Variants in RFTN2 observed in about 807,000 individuals in gnomAD.
RFTN2 encodes the protein raftlin family member 2.
RFTN2 carries 34 observed loss-of-function variants against 52.7 expected under a neutral mutation model. The ratio of observed to expected loss-of-function variants is 0.64; its 90% confidence interval spans 0.49 to 0.86. The LOEUF (loss-of-function observed/expected upper bound fraction) is 0.86. Among genes scored for constraint, RFTN2 ranks in the 40% least tolerant of loss-of-function variants. The pLI is 0.00. For missense variants in RFTN2, 536 were observed against 600.1 expected (o/e 0.89, Z 1.12); for synonymous variants, 203 against 217.7 (o/e 0.93, Z 0.59).
chr2:197,650,353 A>G (rs1424496027), intron 1 of RFTN2, among the ~76,000 whole-genome samples: 1 of 152,210 alleles, frequency 6.6e-6, no homozygotes, highest in Non-Finnish European at 1.5e-5. Flanking sequence ...GATACCTCAT[A>G]TAAGAGGAAT....
chr2:197,630,930 T>C lies in RFTN2; in HGVS notation c.928+81A>G. On this transcript the variant is annotated intron_variant, in intron 5 of 8. Transcript: ENST00000295049. ...GTATCTGTCCTTTCAGCCATAGAACTTGAGAGGTAAAAACATTTTCACTGA... is the reference window on the plus strand; with the variant it reads ...GTATCTGTCCTTTCAGCCATAGAACCTGAGAGGTAAAAACATTTTCACTGA... 3 of 905,710 alleles carry C rather than the reference T, an allele frequency of 3.3e-6. No individual in the cohort carries two copies. The South Asian group carries it at 4.2e-5, about 13-fold the overall frequency. 56.1% of individuals were successfully genotyped at this position (905,710 alleles called of 1,614,324 possible).
At chr2:197,642,076 G>A (rs1210559421) in intron 3 of RFTN2, among the ~76,000 whole-genome samples, 1 of 152,130 alleles carries the variant, frequency 6.6e-6, no homozygotes, top group Non-Finnish European at 1.5e-5. Flanking sequence ...TAAACAATAT[G>A]CGTAGTTTGT....
intron 5 of RFTN2, among the ~76,000 whole-genome samples, chr2:197,629,434 G>A (rs2088424125): frequency 6.6e-6 from 1 of 152,016 alleles, no homozygotes; most frequent in Non-Finnish European, 1.5e-5. Flanking sequence ...ATCACATACT[G>A]GGGCCTGTCA....
chr2:197,588,176 A>T (rs2087631695), intron 8 of RFTN2, among the ~76,000 whole-genome samples: 1 of 152,234 alleles, frequency 6.6e-6, no homozygotes, highest in Non-Finnish European at 1.5e-5. Context: ...TCCCAGAAAT[A>T]CAACTGTTAA....
chr2:197,588,097 TA>T, intron 8 of RFTN2: 1 of 454,244 alleles, frequency 2.2e-6, no homozygotes, highest in Non-Finnish European at 4.5e-6. Flanking sequence ...ATCATAAAAA[TA>T]ACACACATTT....
chr2:197,633,248 T>G (rs982294631), intron 4 of RFTN2, among the ~76,000 whole-genome samples: 2 of 152,244 alleles, frequency 1.3e-5, no homozygotes, highest in African/African-American at 4.8e-5. Flanking sequence ...TGTTTCATTA[T>G]GATGTGCCAG....
chr2:197,585,671 C>G (rs1031849341), intron 8 of RFTN2, among the ~76,000 whole-genome samples: 1 of 152,158 alleles, frequency 6.6e-6, no homozygotes, highest in African/African-American at 2.4e-5. Flanking sequence ...CCCTTTCTTC[C>G]TGTGCTTACA....
At chr2:197,606,672 T>C (rs2087966614) in intron 7 of RFTN2, among the ~76,000 whole-genome samples, 4 of 149,984 alleles carry the variant, frequency 2.7e-5, no homozygotes, top group African/African-American at 7.4e-5. Context: ...GGGCGAAGGA[T>C]ATGAACAGAC....
At chr2:197,671,339 A>G (rs2089144563) in intron 1 of RFTN2, among the ~76,000 whole-genome samples, 1 of 151,894 alleles carries the variant, frequency 6.6e-6, no homozygotes, top group African/African-American at 2.4e-5. Context: ...TAAAGTCCTA[A>G]CTCTAGTTCC....
chr2:197,630,489 C>G (rs1326818708), intron 5 of RFTN2, among the ~76,000 whole-genome samples: 1 of 151,934 alleles, frequency 6.6e-6, no homozygotes, highest in African/African-American at 2.4e-5. Context: ...TCCACTGTAA[C>G]TAAATGAGGA....
intron 1 of RFTN2, among the ~76,000 whole-genome samples, chr2:197,659,477 TAAAA>T (rs55804577): frequency 8.4e-5 from 8 of 94,702 alleles, no homozygotes; most frequent in Admixed American, 1.2e-4. Flanking sequence ...CTCCATCTCA[TAAAA>T]AAAAAAAAAA....
intron 5 of RFTN2, among the ~76,000 whole-genome samples, chr2:197,628,554 T>C (rs1178674840): frequency 1.3e-5 from 2 of 152,168 alleles, no homozygotes; most frequent in African/African-American, 2.4e-5. Flanking sequence ...GTTCAGCAGT[T>C]AGTCACACAC....
At chr2:197,650,976 A>G (rs2088817898) in intron 1 of RFTN2, among the ~76,000 whole-genome samples, 1 of 152,230 alleles carries the variant, frequency 6.6e-6, no homozygotes, top group African/African-American at 2.4e-5. Context: ...TAGCTATTCT[A>G]ACAGGTATAA....
chr2:197,624,621 A>T (rs1446439248), intron 5 of RFTN2, among the ~76,000 whole-genome samples: 2 of 129,950 alleles, frequency 1.5e-5, no homozygotes, highest in Non-Finnish European at 3.4e-5. Context: ...AAAAAAAAAA[A>T]GAAAGAGCCA....
At chr2:197,588,125 C>T (rs1423092990) in intron 8 of RFTN2, 2 of 408,622 alleles carry the variant, frequency 4.9e-6, no homozygotes, top group Non-Finnish European at 1.0e-5. Flanking sequence ...GAAAATGTGA[C>T]AAAAACAAAG....
At chr2:197,638,567 C>A (rs1424402700) in intron 3 of RFTN2, among the ~76,000 whole-genome samples, 1 of 109,786 alleles carries the variant, frequency 9.1e-6, no homozygotes, top group South Asian at 3.1e-4. Context: ...GCAACCCTTG[C>A]CTTTTTTTGT....
rs2087983918 is a variant in RFTN2, at chr2:197,607,596, CATTA to C, written c.1154+8276_1154+8279del. ...ATGTTAACTTTTGCTTCATCTTACA[CATTA>C]ATTAATTGTCGTGGCTTAACATTTG... On this transcript the variant is annotated intron_variant, in intron 7 of 8. Coordinates refer to ENST00000295049, the MANE Select transcript of RFTN2 (RefSeq NM_144629.3). Among the ~76,000 whole-genome samples, 4 of 152,104 alleles carry C rather than the reference CATTA, an allele frequency of 2.6e-5. No individual in the cohort carries two copies. The Middle Eastern group carries it at 0.01, about 388-fold the overall frequency.
At chr2:197,573,750 GT>G (rs2087366063) in intron 8 of RFTN2, among the ~76,000 whole-genome samples, 2 of 152,208 alleles carry the variant, frequency 1.3e-5, no homozygotes, top group African/African-American at 4.8e-5. Context: ...AGGAAAAAAT[GT>G]TTTTGTGGGC....
chr2:197,582,893 C>T (rs2087533196), intron 8 of RFTN2, among the ~76,000 whole-genome samples: 1 of 152,144 alleles, frequency 6.6e-6, no homozygotes, highest in South Asian at 2.1e-4. Context: ...AGCTAGTGTT[C>T]CAATTTCTGT....
Sources: gnomAD v4.1 joint callset for allele counts (sites outside exome capture counted in the v4.1 genomes callset) on GRCh38, gnomAD v4.1.1 for gene constraint, MANE v1.5 for transcripts, NCBI Gene and HGNC (gene_info 2026-07-23, HGNC 2026-07-21) for gene names.